The following DISP1 variants were observed in gnomAD, a reference collection of about 807,000 sequenced individuals.
DISP1 encodes protein dispatched homolog 1.
A neutral mutation model predicts 37.3 loss-of-function variants in DISP1; 30 were observed. The ratio of observed to expected loss-of-function variants is 0.80; its 90% confidence interval spans 0.60 to 1.09. The LOEUF (loss-of-function observed/expected upper bound fraction) is 1.09, where lower values mean the gene tolerates loss of function less well. DISP1 is among the 50% of genes least tolerant of loss of function. The probability of loss-of-function intolerance (pLI) is 0.00; values close to 1 mark genes in which losing one functional copy is unlikely to be tolerated. For synonymous variants in DISP1, 634 were observed against 690.2 expected, an observed-to-expected ratio of 0.92 and a Z score of 1.28; for missense variants, 1,598 against 1,879.5, an observed-to-expected ratio of 0.85 and a Z score of 2.77.
At chr1:222,830,407 G>A (rs555364034) in intron 1 of DISP1, among the ~76,000 whole-genome samples, 111 of 147,664 alleles carry the variant, frequency 7.5e-4, no homozygotes, top group Non-Finnish European at 1.4e-3. Context: ...TTGAGACAGC[G>A]TCTCGCCCTG....
intron 3 of DISP1, among the ~76,000 whole-genome samples, chr1:222,951,783 G>A (rs1365440385): frequency 6.6e-6 from 1 of 152,244 alleles, no homozygotes; most frequent in African/African-American, 2.4e-5. Flanking sequence ...AGATGTAGAA[G>A]TAGAGTGGAC....
rs1204288878 is a variant in DISP1, at chr1:223,002,940, C to T, written c.1543C>T (p.Leu515Phe). 2 of 1,613,902 alleles carry T rather than the reference C, an allele frequency of 1.2e-6. No individual in the cohort carries two copies. The highest frequency in any genetic ancestry group is 1.7e-6 in the Non-Finnish European group (2 of 1,180,026). ...VYPAIAIVIV[L>F]LVMCVYTKSM... Reference sequence around the variant, plus strand: ...TCCTGCCATAGCCATTGTGATTGTCCTTTTAGTTATGTGTGTCTACACCAA... The same window carrying T: ...TCCTGCCATAGCCATTGTGATTGTCTTTTTAGTTATGTGTGTCTACACCAA... The change falls in exon 9 of 9, where the codon CTT becomes TTT. Residue 515 changes from leucine to phenylalanine, a missense_variant. Physicochemically the swap from Leu to Phe is conservative, Grantham distance 22 (BLOSUM62 0). Coordinates refer to ENST00000675850, the MANE Select transcript of DISP1 (RefSeq NM_001377229.1).
chr1:222,909,468 G>A (rs1468894459), intron 1 of DISP1, among the ~76,000 whole-genome samples: 3 of 152,148 alleles, frequency 2.0e-5, no homozygotes, highest in Non-Finnish European at 4.4e-5. Flanking sequence ...GGATCCCATT[G>A]ACATGTTTGC....
chr1:222,882,869 AAT>A (rs1670355070), intron 1 of DISP1, among the ~76,000 whole-genome samples: 1 of 152,180 alleles, frequency 6.6e-6, no homozygotes, highest in Non-Finnish European at 1.5e-5. Context: ...ACACTGAAAA[AAT>A]ATTAAAAAGT....
At chr1:222,901,834 T>G (rs1023456023) in intron 1 of DISP1, among the ~76,000 whole-genome samples, 1 of 152,148 alleles carries the variant, frequency 6.6e-6, no homozygotes, top group Non-Finnish European at 1.5e-5. Context: ...ACTTATAGAT[T>G]TTTGTCAGAA....
chr1:222,995,060 G>T (rs1347603601), intron 8 of DISP1, 78 bp downstream of exon 8: 1 of 1,198,074 alleles, frequency 8.3e-7, no homozygotes, highest in Non-Finnish European at 1.2e-6. Flanking sequence ...GCTGACCCTG[G>T]TTTCTGATCA....
chr1:222,860,340 C>T (rs544866451), intron 1 of DISP1, among the ~76,000 whole-genome samples: 71 of 152,262 alleles, frequency 4.7e-4, no homozygotes, highest in Non-Finnish European at 9.7e-4. Flanking sequence ...AGGCATGAGC[C>T]ACTGTGCCTG....
At chr1:222,875,895 G>T (rs1669949353) in intron 1 of DISP1, among the ~76,000 whole-genome samples, 1 of 150,230 alleles carries the variant, frequency 6.7e-6, no homozygotes, top group Non-Finnish European at 1.5e-5. Flanking sequence ...TTAGATGCCT[G>T]TTATGAATTA....
chr1:222,850,018 A>T (rs1668133474), intron 1 of DISP1, among the ~76,000 whole-genome samples: 1 of 152,090 alleles, frequency 6.6e-6, no homozygotes, highest in African/African-American at 2.4e-5. Flanking sequence ...TAACTTTGTC[A>T]CTTTCTAGGC....
intron 1 of DISP1, among the ~76,000 whole-genome samples, chr1:222,839,709 T>C (rs970940758): frequency 2.0e-5 from 3 of 151,584 alleles, no homozygotes; most frequent in Non-Finnish European, 4.4e-5. Context: ...CTGAGGCGGG[T>C]GGATCATGAG....
chr1:222,884,436 T>C (rs1326677592), intron 1 of DISP1, among the ~76,000 whole-genome samples: 1 of 152,200 alleles, frequency 6.6e-6, no homozygotes, highest in African/African-American at 2.4e-5. Context: ...TCTCTTCCAA[T>C]CTGTTAATGT....
intron 1 of DISP1, among the ~76,000 whole-genome samples, chr1:222,900,433 G>T (rs1671515359): frequency 1.3e-5 from 2 of 152,144 alleles, no homozygotes; most frequent in African/African-American, 4.8e-5. Context: ...ACATAAAAAA[G>T]AAAATCCAGT....
intron 1 of DISP1, among the ~76,000 whole-genome samples, chr1:222,817,449 A>G (rs919442858): frequency 4.6e-5 from 7 of 152,246 alleles, no homozygotes; most frequent in African/African-American, 1.4e-4. Flanking sequence ...CCCTTTGGTT[A>G]TCAATTTTCT....
At chr1:222,868,110 C>T (rs34080450) in intron 1 of DISP1, among the ~76,000 whole-genome samples, 19,204 of 151,894 alleles carry the variant, frequency 0.13, 1,450 homozygotes, top group Non-Finnish European at 0.16. Flanking sequence ...TAGCCAGGCA[C>T]GGTAGTGTTT....
At chr1:222,844,217 G>C (rs1196242012) in intron 1 of DISP1, among the ~76,000 whole-genome samples, 1 of 152,098 alleles carries the variant, frequency 6.6e-6, no homozygotes, top group African/African-American at 2.4e-5. Flanking sequence ...AGACAGCATA[G>C]TAGCATCACC....
At chr1:222,905,499 A>G (rs111588476) in intron 1 of DISP1, among the ~76,000 whole-genome samples, 356 of 152,356 alleles carry the variant, frequency 2.3e-3, no homozygotes, top group African/African-American at 8.1e-3. Flanking sequence ...TCTTCTTAAC[A>G]GAACGTATAA....
chr1:222,850,738 C>T (rs1051077708), intron 1 of DISP1, among the ~76,000 whole-genome samples: 3 of 152,156 alleles, frequency 2.0e-5, no homozygotes, highest in African/African-American at 7.2e-5. Context: ...TAATGGCCTC[C>T]AGTTCCCTCC....
At position 223,005,260 on chromosome 1, in the gene DISP1, A is replaced by G; in HGVS notation, c.3863A>G (p.Gln1288Arg). ...KHLNYGPHSCQQMGDCLCHQC... is the reference protein window; with the variant it reads ...KHLNYGPHSCRQMGDCLCHQC... ...TTGAACTATGGCCCACACTCTTGCC[A>G]GCAGATGGGGGACTGCTTGTGCCAC... The change falls in exon 9 of 9, where the codon CAG becomes CGG. Residue 1288 changes from glutamine to arginine, a missense_variant. Coordinates refer to ENST00000675850, the MANE Select transcript of DISP1 (RefSeq NM_001377229.1). The G allele has an allele frequency of 6.2e-7, 1 of 1,613,996 alleles. No homozygotes were observed.
At chr1:222,994,044 T>TA (rs1678885935) in intron 7 of DISP1, among the ~76,000 whole-genome samples, 1 of 152,224 alleles carries the variant, frequency 6.6e-6, no homozygotes, top group Non-Finnish European at 1.5e-5. Context: ...ATGTGGTTCA[T>TA]ATTCTTTAAT....
Sources: gnomAD v4.1 joint callset for allele counts (sites outside exome capture counted in the v4.1 genomes callset) on GRCh38, gnomAD v4.1.1 for gene constraint, MANE v1.5 for transcripts, NCBI Gene and HGNC (gene_info 2026-07-23, HGNC 2026-07-21) for gene names.